Variants in ADCY6 observed in about 807,000 individuals in gnomAD.
The protein encoded by ADCY6 is adenylate cyclase type 6.
In ADCY6, 59 loss-of-function variants were observed where a neutral mutation model predicts 111.6. The observed-to-expected ratio is 0.53, with a 90% CI of 0.43 to 0.66. The LOEUF (loss-of-function observed/expected upper bound fraction) is 0.66. ADCY6 is among the 30% of genes least tolerant of loss of function. The pLI is 0.00. For synonymous variants in ADCY6, 576 were observed against 642.9 expected (o/e 0.90, Z 1.57); for missense variants, 1,242 against 1,595.6 (o/e 0.78, Z 3.78).
chr12:48,786,509 C>T (rs112507645), intron 1 of ADCY6, among the ~76,000 whole-genome samples: 231 of 152,222 alleles, frequency 1.5e-3, no homozygotes, highest in Non-Finnish European at 2.6e-3. Context: ...ATTACAAGCA[C>T]CTACCACCAC....
At position 48,771,657 on chromosome 12, in the gene ADCY6, T is replaced by TGGTACTG. The variant is rs1292002866; in HGVS notation, c.3051+52_3051+53insCAGTACC. ...AGTTCCACTCACCCATTCCAATCCC[T>TGGTACTG]GGTCTCCAAGTACCCCCCACTCTCT... is the stretch of plus-strand genomic sequence containing the variant. On this transcript the variant is annotated intron_variant, in intron 19 of 21. Transcript: ENST00000357869. The surrounding 1 kb of genome is among the most constrained non-coding windows in gnomAD (Gnocchi z 4.3). The TGGTACTG allele has an allele frequency of 6.2e-7, 1 of 1,609,904 alleles. No individual in the cohort carries two copies. Among genetic ancestry groups the TGGTACTG allele is most frequent in the African/African-American group, 1.3e-5 (1 of 75,040 alleles).
chr12:48,774,976 G>A lies in ADCY6; in HGVS notation c.2059C>T (p.Gln687Ter). 6.4e-7 allele frequency: 1 copy of A among 1,556,634 alleles called. No individual in the cohort carries two copies. The highest frequency in any genetic ancestry group is 1.9e-5 in the Admixed American group (1 of 51,384). The change falls in exon 12 of 22, where the codon CAG (glutamine) becomes TAG (stop). Residue 687 changes from glutamine to a stop codon, truncating the protein, a stop_gained. Transcript: ENST00000357869. LOFTEE classifies it high-confidence loss of function. ...LLVFCFICFI[Q>*]LLIFPHSTLM... ...TCTCACTGTGGGAAGATGAGAAGCT[G>A]GATGAAGCAGATGAAGCAGAAGACC...
At chr12:48,783,653 T>G in intron 1 of ADCY6, 1 of 1,211,788 alleles carries the variant, frequency 8.3e-7, no homozygotes. Context: ...GACAAGAAAC[T>G]TGCCCAAAAC....
At position 48,772,420 on chromosome 12, in the gene ADCY6, C is replaced by T. The variant is rs2137342332; in HGVS notation, c.2662G>A (p.Ala888Thr). ...NETFDGLDCP[A>T]AGRVALKYMT... Reference sequence around the variant, plus strand: ...TATTTGAGGGCCACCCTCCCTGCAGCTGGACTAAGGATAAGCAGAGACATG... The same window carrying T: ...TATTTGAGGGCCACCCTCCCTGCAGTTGGACTAAGGATAAGCAGAGACATG... Residue 888 changes from alanine (A) to threonine (T), a missense_variant, in exon 18 of 22, where the codon GCT becomes ACT. This residue lies in a region of ADCY6 where 375 missense variants were observed against 432.5 expected (regional missense o/e 0.87). Coordinates refer to ENST00000357869, the MANE Select transcript of ADCY6 (RefSeq NM_015270.5). The T allele has an allele frequency of 6.2e-7, 1 of 1,614,162 alleles. No individual in the cohort carries two copies.
At position 48,776,415 on chromosome 12, in the gene ADCY6, C is replaced by T. The variant is rs1239364299; in HGVS notation, c.1535+13G>A. The T allele has an allele frequency of 4.2e-6, 5 of 1,193,698 alleles. No individual in the cohort carries two copies. The East Asian group carries it at 1.4e-4, about 34-fold the overall frequency. The allele number at this position is 1,193,698 out of a possible 1,614,324, so 73.9% of individuals were successfully genotyped here. A position where few individuals can be genotyped will look rare whatever the true frequency, so the allele number is the denominator to read the frequency against. Reference sequence around the variant, plus strand: ...CTTGCCCCCATCCCCCCCACCTGGACCCCCCTACTCACCCAGCCCGGCCTC... The same window carrying T: ...CTTGCCCCCATCCCCCCCACCTGGATCCCCCTACTCACCCAGCCCGGCCTC... On this transcript the variant is annotated intron_variant, in intron 7 of 21. Transcript: ENST00000357869. The surrounding 1 kb of genome is among the most constrained non-coding windows in gnomAD (Gnocchi z 6.1).
rs778096448 is a variant in ADCY6 at position 48,782,646 on chromosome 12, G to A, written c.789C>T (p.Ser263=). The A allele has an allele frequency of 1.1e-5, 18 of 1,605,284 alleles. No individual in the cohort carries two copies. The highest frequency in any genetic ancestry group is 2.2e-5 in the East Asian group (1 of 44,688). The change falls in exon 2 of 22, where the codon AGC becomes AGT. Residue 263 remains serine, a synonymous_variant. Coordinates refer to ENST00000357869, the MANE Select transcript of ADCY6 (RefSeq NM_015270.5). The surrounding 1 kb of genome is among the most constrained non-coding windows in gnomAD (Gnocchi z 4.3). ...AATGCAAGGTGGAGAGGCCCAGGCC[G>A]CTGAGGACGGCAGCCCGCATGCGGA... ...LPIRMRAAVL[S]GLGLSTLHLI... is the part of the protein sequence containing the mutation.
rs201896260 is a variant in ADCY6, at chr12:48,772,280, G to A, written c.2787+15C>T. The A allele has an allele frequency of 2.0e-5, 32 of 1,605,160 alleles. No individual in the cohort carries two copies. The African/African-American group carries it at 2.9e-4, about 15-fold the overall frequency. ...CCTAGGTTCCTCCTCTTCCCCCAAA[G>A]GCCCACACAGTCACCTGTAGTTTCC... is the stretch of plus-strand genomic sequence containing the variant. On this transcript the variant is annotated intron_variant, in intron 18 of 21. Coordinates refer to ENST00000357869, the MANE Select transcript of ADCY6 (RefSeq NM_015270.5).
chr12:48,784,668 T>G (rs998682684), intron 1 of ADCY6, among the ~76,000 whole-genome samples: 3 of 132,574 alleles, frequency 2.3e-5, no homozygotes, highest in African/African-American at 5.8e-5. Context: ...ATCTGGAGTT[T>G]TTTTTTTTTT....
chr12:48,772,886 A>G (rs1941587572), intron 16 of ADCY6, among the ~76,000 whole-genome samples: 1 of 152,208 alleles, frequency 6.6e-6, no homozygotes, highest in South Asian at 2.1e-4. Flanking sequence ...GTTAGTTACT[A>G]TAATCTTTAC....
chr12:48,776,149 G>C lies in ADCY6; in HGVS notation c.1678-58C>G, dbSNP rs1375157795. The C allele has an allele frequency of 1.9e-6, 3 of 1,613,600 alleles. No individual in the cohort carries two copies. Among genetic ancestry groups the C allele is most frequent in the Non-Finnish European group, 1.7e-6 (2 of 1,179,862 alleles). On this transcript the variant is annotated intron_variant, in intron 8 of 21. Transcript: ENST00000357869. This position sits in a 1 kb window ranked among gnomAD's most constrained non-coding sequence, Gnocchi z 6.1. Reference sequence around the variant, plus strand: ...AGGGGCCCAGAGGAGGCCTTGGCCTGCTCCTCCCCATTTGTCCCTCTTCTT... The same window carrying C: ...AGGGGCCCAGAGGAGGCCTTGGCCTCCTCCTCCCCATTTGTCCCTCTTCTT...
At position 48,770,768 on chromosome 12, in the gene ADCY6, ATCT is replaced by A; in HGVS notation, c.3251_3253del (p.Lys1084del). Reference sequence around the variant, plus strand: ...GCCAAGCAACAAAGCCCTCTTACCAATCTTCATCTGGAAATTGTTGAAGGAGTG... The same window carrying A: ...GCCAAGCAACAAAGCCCTCTTACCAATCATCTGGAAATTGTTGAAGGAGTG... On this transcript the variant is annotated inframe_deletion, in exon 20 of 22. Transcript: ENST00000357869. 6.2e-7 allele frequency: 1 copy of A among 1,613,788 alleles called. No individual in the cohort carries two copies.
intron 2 of ADCY6, among the ~76,000 whole-genome samples, chr12:48,780,795 A>C (rs1457678447): frequency 6.6e-6 from 1 of 152,222 alleles, no homozygotes; most frequent in Non-Finnish European, 1.5e-5. Flanking sequence ...CTGGAAGAGA[A>C]GCTTTGGGGC....
chr12:48,786,161 C>G (rs1173949952), intron 1 of ADCY6, among the ~76,000 whole-genome samples: 2 of 152,174 alleles, frequency 1.3e-5, no homozygotes. Flanking sequence ...TGGAGGAATA[C>G]TCAGCACTTG....
intron 15 of ADCY6, 49 bp from the exon 16 acceptor site, chr12:48,773,696 C>A: frequency 1.2e-6 from 2 of 1,608,432 alleles, no homozygotes; most frequent in Non-Finnish European, 1.7e-6. Context: ...GGCCACAGCA[C>A]CCTTGGGCAG....
chr12:48,778,263 G>C lies in ADCY6; in HGVS notation c.865-6C>G, dbSNP rs757316461. On this transcript the variant is annotated splice_polypyrimidine_tract_variant and splice_region_variant and intron_variant, in intron 2 of 21. Coordinates refer to ENST00000357869, the MANE Select transcript of ADCY6 (RefSeq NM_015270.5). Reference sequence around the variant, plus strand: ...AGCAGCACATTGGCACCGAGCTGCAGGAGGTGGCAGAGGCAGACAGTGACC... The same window carrying C: ...AGCAGCACATTGGCACCGAGCTGCACGAGGTGGCAGAGGCAGACAGTGACC... 2 of 1,614,120 alleles carry C rather than the reference G, an allele frequency of 1.2e-6. No individual in the cohort carries two copies. Among genetic ancestry groups the C allele is most frequent in the South Asian group, 2.2e-5 (2 of 91,082 alleles).
chr12:48,783,303 C>T lies in ADCY6; in HGVS notation c.132G>A (p.Met44Ile). 5 of 1,613,438 alleles carry T rather than the reference C, an allele frequency of 3.1e-6. No homozygotes were observed. Among genetic ancestry groups the T allele is most frequent in the Non-Finnish European group, 3.4e-6 (4 of 1,179,790 alleles). ...GTGGCTCTGCATCCCGGAGGCAGCT[C>T]ATATAGCGGGGCGTGCAGAAGCCAC... ...RAGGFCTPRY[M>I]SCLRDAEPPS... The change falls in exon 2 of 22, where the codon ATG becomes ATA. Residue 44 changes from methionine (M) to isoleucine (I), a missense_variant. Met to Ile is a conservative substitution (Grantham distance 10). This residue lies in a region of ADCY6 where 362 missense variants were observed against 377.2 expected (regional missense o/e 0.96). Coordinates refer to ENST00000357869, the MANE Select transcript of ADCY6 (RefSeq NM_015270.5).
intron 15 of ADCY6, 112 bp from the exon 16 acceptor site, chr12:48,773,759 AC>A (rs776151143): frequency 1.4e-6 from 2 of 1,471,010 alleles, no homozygotes; most frequent in South Asian, 2.4e-5. Context: ...CACCCCTCAA[AC>A]CCCCATATCC....
chr12:48,778,189 C>T lies in ADCY6; in HGVS notation c.933G>A (p.Glu311=). The T allele has an allele frequency of 1.2e-6, 2 of 1,614,160 alleles. No individual in the cohort carries two copies. The highest frequency in any genetic ancestry group is 8.5e-7 in the Non-Finnish European group (1 of 1,180,036). Residue 311 remains glutamate, a synonymous_variant, in exon 3 of 22, where the codon GAG becomes GAA. Transcript: ENST00000357869. ...CCTGAAAGGCCTGGCGCTGAGACACCTCTGCTGGATAGTGTGTGCAGATGC... is the reference window on the plus strand; with the variant it reads ...CCTGAAAGGCCTGGCGCTGAGACACTTCTGCTGGATAGTGTGTGCAGATGC... ...VIGICTHYPA[E]VSQRQAFQET... is the part of the protein sequence containing the mutation.
intron 1 of ADCY6, among the ~76,000 whole-genome samples, chr12:48,785,803 C>T (rs1713581533): frequency 1.3e-5 from 2 of 152,098 alleles, no homozygotes; most frequent in South Asian, 4.1e-4. Flanking sequence ...GGGCACAAGA[C>T]AAATTTGAAA....
Sources: gnomAD v4.1 joint callset for allele counts (sites outside exome capture counted in the v4.1 genomes callset) on GRCh38, gnomAD v4.1.1 for gene constraint, gnomAD v4.1.1 regional missense constraint, Gnocchi (gnomAD v3.1) non-coding constraint, MANE v1.5 for transcripts, NCBI Gene and HGNC (gene_info 2026-07-23, HGNC 2026-07-21) for gene names.